Variants in TF observed in about 807,000 individuals in gnomAD.
The protein encoded by TF is transferrin, also known as serotransferrin.
A neutral mutation model predicts 82.4 loss-of-function variants in TF; 55 were observed. That is an observed-to-expected ratio of 0.67 (90% CI 0.54 to 0.84). The LOEUF (loss-of-function observed/expected upper bound fraction) is 0.84, where lower values mean the gene tolerates loss of function less well. TF is among the 40% of genes least tolerant of loss of function. TF has a pLI of 0.00. For synonymous variants in TF, 332 were observed against 332.6 expected (o/e 1.00, Z 0.02); for missense variants, 737 against 868.4 (o/e 0.85, Z 1.90).
At chr3:133,680,477 T>C in the TF span, among the ~76,000 whole-genome samples, 2 of 152,148 alleles carry the variant, frequency 1.3e-5, no homozygotes, top group Non-Finnish European at 2.9e-5. Flanking sequence ...GCAGCTGGGA[T>C]TGTAGGCACA....
chr3:133,716,868 T>C, the TF span, among the ~76,000 whole-genome samples: 1 of 152,164 alleles, frequency 6.6e-6, no homozygotes, highest in African/African-American at 2.4e-5. Flanking sequence ...GCATCTCGGC[T>C]GTTCCTTGAA....
Position 133,746,451 on chromosome 3 carries a change from C to T in TF, c.11C>T (p.Ala4Val). The T allele has an allele frequency of 6.2e-7, 1 of 1,600,542 alleles. No homozygotes were observed. Among genetic ancestry groups the T allele is most frequent in the Non-Finnish European group, 8.5e-7 (1 of 1,177,086 alleles). Residue 4 changes from alanine (A) to valine (V), a missense_variant, in exon 1 of 17, where the codon GCC (alanine) becomes GTC (valine). Ala to Val is a moderately conservative substitution (Grantham distance 64). Coordinates refer to ENST00000402696, the MANE Select transcript of TF (RefSeq NM_001063.4). Reference protein sequence around the residue: MRLAVGALLVCAVL... With the variant: MRLVVGALLVCAVL... ...CGCCGCACCCGGAAGATGAGGCTCG[C>T]CGTGGGAGCCCTGCTGGTCTGCGCC...
the TF span, among the ~76,000 whole-genome samples, chr3:133,668,420 T>A: frequency 7.9e-3 from 1,207 of 152,218 alleles, 32 homozygotes; most frequent in East Asian, 0.082. Flanking sequence ...CAGAATCTGA[T>A]CTAATCAGAA....
intron 14 of TF, chr3:133,775,164 G>A (rs1934354331): frequency 1.9e-6 from 1 of 527,970 alleles, no homozygotes; most frequent in Non-Finnish European, 3.4e-6. Context: ...TTTTTGAACA[G>A]CATCTGCAGA....
At chr3:133,684,842 T>C in the TF span, among the ~76,000 whole-genome samples, 2 of 152,194 alleles carry the variant, frequency 1.3e-5, no homozygotes, top group Non-Finnish European at 2.9e-5. Context: ...GAGTCCTCTG[T>C]AACTTATTTT....
At chr3:133,727,233 C>A in the TF span, among the ~76,000 whole-genome samples, 1 of 152,048 alleles carries the variant, frequency 6.6e-6, no homozygotes, top group Non-Finnish European at 1.5e-5. Flanking sequence ...TCTCATTGAT[C>A]TATCTAATGT....
chr3:133,680,436 C>T, the TF span, among the ~76,000 whole-genome samples: 4 of 152,122 alleles, frequency 2.6e-5, no homozygotes, highest in African/African-American at 9.7e-5. Flanking sequence ...ACTCCCTGGG[C>T]TCAAACAATC....
the TF span, among the ~76,000 whole-genome samples, chr3:133,727,968 T>C: frequency 6.6e-6 from 1 of 152,220 alleles, no homozygotes; most frequent in Non-Finnish European, 1.5e-5. Flanking sequence ...TCTTTAAGAA[T>C]GTTGAATATT....
intron 13 of TF, among the ~76,000 whole-genome samples, chr3:133,769,047 G>T (rs931749411): frequency 6.6e-6 from 1 of 152,092 alleles, no homozygotes; most frequent in Non-Finnish European, 1.5e-5. Context: ...TCCTGTCTTG[G>T]CCTCCCAAAG....
upstream of TF, chr3:133,746,051 T>G: frequency 2.6e-6 from 1 of 383,534 alleles, no homozygotes; most frequent in East Asian, 6.0e-5. Flanking sequence ...ACTGCGCAGA[T>G]AGGACTGGTG....
rs8177291 is a variant in TF, at chr3:133,770,444, CT to C, written c.1623-63del. 2.0e-3 allele frequency: 2,938 copies of C among 1,502,296 alleles called. 52 individuals carry two copies. In the African/African-American group the frequency reaches 0.036, roughly 18 times the overall value. The allele number at this position is 1,502,296 out of a possible 1,614,324, so 93.1% of individuals were successfully genotyped here. On this transcript the variant is annotated intron_variant, in intron 13 of 16. Transcript: ENST00000402696. The stretch of plus-strand genomic sequence containing the variant: ...TGTCCTGAATCTATAAGGTAGCCCC[CT>C]GAATGACAGATAAGTCACTCTGACC...
chr3:133,678,449 A>G, the TF span, among the ~76,000 whole-genome samples: 2 of 152,332 alleles, frequency 1.3e-5, no homozygotes, highest in East Asian at 1.9e-4. Context: ...GTCTTCCACA[A>G]TGGCTGAACT....
In TF at chr3:133,781,227, A is replaced by T. The variant is rs1455737959; in HGVS notation, c.*2607A>T. 1.3e-5 allele frequency: 2 copies of T among 151,980 alleles called. No individual in the cohort carries two copies. The highest frequency in any genetic ancestry group is 3.9e-4 in the East Asian group (2 of 5,192). 9.4% of individuals were successfully genotyped at this position (151,980 alleles called of 1,614,324 possible). A position where few individuals can be genotyped will look rare whatever the true frequency, so the allele number is the denominator to read the frequency against. ...GCTACTCGGGAGGCTGAGGCGGGAG[A>T]ATTGCTTGAACCTGGGAGGCAGAAG... On this transcript the variant is annotated 3_prime_UTR_variant, in exon 17 of 17. Transcript: ENST00000402696.
the TF span, among the ~76,000 whole-genome samples, chr3:133,735,202 G>A: frequency 2.0e-5 from 3 of 151,976 alleles, no homozygotes; most frequent in South Asian, 2.1e-4. Flanking sequence ...TTAGCCAGGC[G>A]TGGTGGCAGG....
intron 5 of TF, chr3:133,755,792 T>C (rs1933809745): frequency 2.0e-6 from 1 of 499,178 alleles, no homozygotes; most frequent in African/African-American, 1.9e-5. Flanking sequence ...GAAAGGACAA[T>C]CATGCCTCTA....
chr3:133,718,431 G>A, the TF span, among the ~76,000 whole-genome samples: 1 of 152,116 alleles, frequency 6.6e-6, no homozygotes, highest in South Asian at 2.1e-4. Flanking sequence ...CTGTTGGAGG[G>A]ATGCTGAGAA....
chr3:133,701,778 C>T, the TF span, among the ~76,000 whole-genome samples: 1 of 152,158 alleles, frequency 6.6e-6, no homozygotes, highest in Non-Finnish European at 1.5e-5. Flanking sequence ...GTGAGTTCCC[C>T]ATTTCTCCTG....
Position 133,787,750 on chromosome 3 carries a change from A to C in TF, c.*9130A>C, listed in dbSNP as rs1328802531. ...TTGCCTTATATGTTAAATGCATTGC[A>C]AGTAACTTTGCTATACTACATATTG... On this transcript the variant is annotated 3_prime_UTR_variant, in exon 17 of 17. Transcript: ENST00000402696. 1 of 152,236 alleles carries C rather than the reference A, an allele frequency of 6.6e-6. No individual in the cohort carries two copies. Among genetic ancestry groups the C allele is most frequent in the Non-Finnish European group, 1.5e-5 (1 of 68,040 alleles). 9.4% of individuals were successfully genotyped at this position (152,236 alleles called of 1,614,324 possible). A position where few individuals can be genotyped will look rare whatever the true frequency, so the allele number is the denominator to read the frequency against.
intron 4 of TF, 53 bp downstream of exon 4, chr3:133,754,724 C>T: frequency 6.3e-7 from 1 of 1,577,364 alleles, no homozygotes; most frequent in Non-Finnish European, 8.7e-7. Context: ...GCTCCAGATG[C>T]CCACACAGGC....
Sources: gnomAD v4.1 joint callset for allele counts (sites outside exome capture counted in the v4.1 genomes callset) on GRCh38, gnomAD v4.1.1 for gene constraint, MANE v1.5 for transcripts, NCBI Gene and HGNC (gene_info 2026-07-23, HGNC 2026-07-21) for gene names.